The following TASP1 variants were observed in gnomAD, a reference collection of about 807,000 sequenced individuals.
The protein encoded by TASP1 is threonine aspartase 1.
TASP1 carries 16 observed loss-of-function variants against 56.6 expected under a neutral mutation model. The observed-to-expected ratio is 0.28, with a 90% CI of 0.19 to 0.43. TASP1 has a LOEUF of 0.43. TASP1 is among the 20% of genes least tolerant of loss of function. The pLI, the probability that TASP1 is intolerant of heterozygous loss-of-function variation, is 1.00. For synonymous variants in TASP1, 179 were observed against 184.2 expected, an observed-to-expected ratio of 0.97 and a Z score of 0.23; for missense variants, 393 against 511.6, an observed-to-expected ratio of 0.77 and a Z score of 2.24.
At chr20:13,567,934 A>AG (rs1454323308) in intron 7 of TASP1, among the ~76,000 whole-genome samples, 1 of 152,192 alleles carries the variant, frequency 6.6e-6, no homozygotes, top group African/African-American at 2.4e-5. Context: ...CCTGTCTCCA[A>AG]GGGAAAAAAA....
At chr20:13,143,881 C>T in the TASP1 span, among the ~76,000 whole-genome samples, 9 of 152,296 alleles carry the variant, frequency 5.9e-5, no homozygotes, top group African/African-American at 1.2e-4. Context: ...CACAGCTCCT[C>T]GCCCATTTCA....
At chr20:13,203,043 T>C in the TASP1 span, among the ~76,000 whole-genome samples, 1 of 152,218 alleles carries the variant, frequency 6.6e-6, no homozygotes, top group Non-Finnish European at 1.5e-5. Flanking sequence ...CCTAAACTGA[T>C]GAAAACATCT....
the TASP1 span, among the ~76,000 whole-genome samples, chr20:13,260,979 G>A: frequency 2.0e-5 from 3 of 152,248 alleles, no homozygotes; most frequent in South Asian, 2.1e-4. Flanking sequence ...TGCTGCACAC[G>A]TCTCTCACCA....
intron 10 of TASP1, among the ~76,000 whole-genome samples, chr20:13,508,108 T>C (rs1168352678): frequency 6.6e-6 from 1 of 151,154 alleles, no homozygotes; most frequent in Non-Finnish European, 1.5e-5. Context: ...ATACCTAGAC[T>C]CCTGGAAGAG....
the TASP1 span, among the ~76,000 whole-genome samples, chr20:13,177,969 C>A: frequency 6.6e-6 from 1 of 152,028 alleles, no homozygotes; most frequent in South Asian, 2.1e-4. Context: ...AGAGGACAAC[C>A]TATAGAATGG....
At chr20:13,317,082 A>T in the TASP1 span, among the ~76,000 whole-genome samples, 11 of 152,002 alleles carry the variant, frequency 7.2e-5, no homozygotes, top group Admixed American at 1.3e-4. Flanking sequence ...ATAAGCAATT[A>T]TAGCGGCATT....
At chr20:13,436,811 C>T (rs1399038135) in intron 11 of TASP1, among the ~76,000 whole-genome samples, 1 of 152,050 alleles carries the variant, frequency 6.6e-6, no homozygotes, top group African/African-American at 2.4e-5. Flanking sequence ...AACGTGTCCT[C>T]GACTTAGGGT....
At chr20:13,473,254 G>A (rs562666691) in intron 11 of TASP1, among the ~76,000 whole-genome samples, 81 of 151,316 alleles carry the variant, frequency 5.4e-4, no homozygotes, top group African/African-American at 1.6e-3. Context: ...ACCAAACACC[G>A]CATGTTCTCA....
intron 13 of TASP1, among the ~76,000 whole-genome samples, chr20:13,394,040 G>A (rs1470175744): frequency 6.6e-6 from 1 of 151,996 alleles, no homozygotes; most frequent in Non-Finnish European, 1.5e-5. Context: ...TAGCACTTTG[G>A]GAGGCTGAGG....
chr20:13,234,567 A>T, the TASP1 span, among the ~76,000 whole-genome samples: 2 of 152,168 alleles, frequency 1.3e-5, no homozygotes, highest in African/African-American at 4.8e-5. Context: ...TTACATTCCC[A>T]CCAACAGTGT....
chr20:13,576,373 GAAAGAAAGAAAGAAAGAAAGAA>G (rs1475592885), intron 6 of TASP1, among the ~76,000 whole-genome samples: 2 of 72,002 alleles, frequency 2.8e-5, no homozygotes, highest in African/African-American at 7.5e-5. Flanking sequence ...AAGAAAGAAA[GAAAGAAAGAAAGAAAGAAAGAA>G]AGTCAGTCTT....
the TASP1 span, among the ~76,000 whole-genome samples, chr20:13,236,331 A>G: frequency 1.3e-5 from 2 of 152,194 alleles, no homozygotes; most frequent in African/African-American, 4.8e-5. Context: ...ATGCTGGGAT[A>G]TTCATTGAGT....
At chr20:13,385,871 T>C (rs932265171), downstream of TASP1, among the ~76,000 whole-genome samples, 3 of 152,206 alleles carry the variant, frequency 2.0e-5, no homozygotes, top group Non-Finnish European at 4.4e-5. Flanking sequence ...TAGGGAGTGC[T>C]GATTCCCTGG....
chr20:13,177,839 A>T, the TASP1 span, among the ~76,000 whole-genome samples: 3,483 of 152,310 alleles, frequency 0.023, 61 homozygotes, highest in Non-Finnish European at 0.031. Context: ...ATGCTTCAGG[A>T]CATTGGTCTG....
chr20:13,279,746 G>A, the TASP1 span: 2 of 1,613,988 alleles, frequency 1.2e-6, no homozygotes, highest in Middle Eastern at 3.3e-4. Context: ...TGGTGGCAGA[G>A]GTCCCTGTCC....
downstream of TASP1, among the ~76,000 whole-genome samples, chr20:13,389,193 T>C (rs2041191651): frequency 6.6e-6 from 1 of 152,238 alleles, no homozygotes; most frequent in South Asian, 2.1e-4. Context: ...CTCTTTGTTA[T>C]TTTTATCAAA....
chr20:13,335,205 T>C, the TASP1 span, among the ~76,000 whole-genome samples: 1 of 152,084 alleles, frequency 6.6e-6, no homozygotes, highest in Non-Finnish European at 1.5e-5. Context: ...TTGGAGTAAA[T>C]GTATTTGGGG....
At chr20:13,558,224 A>C (rs2046228584) in intron 8 of TASP1, among the ~76,000 whole-genome samples, 2 of 152,356 alleles carry the variant, frequency 1.3e-5, no homozygotes, top group African/African-American at 4.8e-5. Context: ...GCTAAGGTAC[A>C]TCACATGACT....
At chr20:13,635,476 C>A (rs2049271476) in intron 1 of TASP1, among the ~76,000 whole-genome samples, 1 of 151,716 alleles carries the variant, frequency 6.6e-6, no homozygotes, top group South Asian at 2.1e-4. Flanking sequence ...CAACCTCTGC[C>A]TCCCGGGTTC....
Sources: gnomAD v4.1 joint callset for allele counts (sites outside exome capture counted in the v4.1 genomes callset) on GRCh38, gnomAD v4.1.1 for gene constraint, MANE v1.5 for transcripts, NCBI Gene and HGNC (gene_info 2026-07-23, HGNC 2026-07-21) for gene names.